The following CSMD1 variants were observed in gnomAD, a reference collection of about 807,000 sequenced individuals.
CSMD1 encodes the protein CUB and Sushi multiple domains 1.
In CSMD1, 213 loss-of-function variants were observed where a neutral mutation model predicts 417.5. The observed-to-expected ratio is 0.51, with a 90% CI of 0.46 to 0.57. The LOEUF is 0.57. CSMD1 is among the 20% of genes least tolerant of loss of function. The pLI is 0.00. For synonymous variants in CSMD1, 2,862 were observed against 1,736.8 expected, an observed-to-expected ratio of 1.65 and a Z score of -16.11; for missense variants, 6,923 against 4,529.7, an observed-to-expected ratio of 1.53 and a Z score of -15.17.
chr8:4,936,191 AAATT>A (rs1455315829), intron 1 of CSMD1, among the ~76,000 whole-genome samples: 1 of 152,234 alleles, frequency 6.6e-6, no homozygotes, highest in Non-Finnish European at 1.5e-5. Flanking sequence ...TGAGAGGCAG[AAATT>A]ATTATGCTTC....
At chr8:4,496,803 A>G (rs535563775) in intron 2 of CSMD1, among the ~76,000 whole-genome samples, 4 of 152,304 alleles carry the variant, frequency 2.6e-5, no homozygotes, top group East Asian at 3.9e-4. Context: ...ATCCTGAGAC[A>G]TGGACTTTTG....
intron 5 of CSMD1, among the ~76,000 whole-genome samples, chr8:3,786,381 G>C (rs1163028535): frequency 3.3e-5 from 5 of 152,096 alleles, no homozygotes; most frequent in African/African-American, 1.2e-4. Flanking sequence ...GGAGATACTA[G>C]AGTGAGAAGA....
intron 9 of CSMD1, among the ~76,000 whole-genome samples, chr8:3,582,151 G>C (rs987809637): frequency 3.3e-5 from 5 of 152,148 alleles, no homozygotes; most frequent in African/African-American, 4.8e-5. Context: ...AAATGAACTT[G>C]GAAAATGGTC....
At chr8:3,899,258 G>T (rs528744286) in intron 5 of CSMD1, among the ~76,000 whole-genome samples, 2 of 152,276 alleles carry the variant, frequency 1.3e-5, no homozygotes, top group Admixed American at 6.5e-5. Flanking sequence ...GGCAGCCAAG[G>T]GAAAGGAGCT....
chr8:4,027,721 T>G (rs1450074315), intron 4 of CSMD1, among the ~76,000 whole-genome samples: 1 of 152,122 alleles, frequency 6.6e-6, no homozygotes, highest in South Asian at 2.1e-4. Context: ...GGGGGCCCAT[T>G]GAACAAACTT....
intron 7 of CSMD1, among the ~76,000 whole-genome samples, chr8:3,671,915 G>A (rs898941631): frequency 9.9e-5 from 15 of 152,018 alleles, no homozygotes; most frequent in East Asian, 1.9e-4. Context: ...GTCCTGTGTC[G>A]TTAGCCTGCT....
intron 25 of CSMD1, among the ~76,000 whole-genome samples, chr8:3,306,981 TATGTGTTACTTTAG>T (rs1160635043): frequency 6.6e-6 from 1 of 152,160 alleles, no homozygotes; most frequent in Non-Finnish European, 1.5e-5. Flanking sequence ...TTTTCTTTTA[TATGTGTTACTTTAG>T]AGTACTTTCT....
At chr8:3,379,463 T>C (rs775640272) in intron 18 of CSMD1, among the ~76,000 whole-genome samples, 51 of 152,010 alleles carry the variant, frequency 3.4e-4, no homozygotes, top group Admixed American at 7.2e-4. Flanking sequence ...CAAAAGAACA[T>C]AGTTGGAGGC....
intron 1 of CSMD1, among the ~76,000 whole-genome samples, chr8:4,698,047 G>T (rs534573749): frequency 3.8e-4 from 58 of 151,790 alleles, no homozygotes; most frequent in African/African-American, 1.4e-3. Flanking sequence ...TAATTGGAAG[G>T]GTTCATCAAA....
intron 32 of CSMD1, among the ~76,000 whole-genome samples, chr8:3,200,283 G>C (rs1796925635): frequency 6.6e-6 from 1 of 151,968 alleles, no homozygotes; most frequent in African/African-American, 2.4e-5. Context: ...GGCCAGGTGA[G>C]GTGGCTCACA....
intron 3 of CSMD1, among the ~76,000 whole-genome samples, chr8:4,370,334 T>G (rs1042062529): frequency 7.2e-6 from 1 of 138,596 alleles, no homozygotes; most frequent in African/African-American, 2.5e-5. Context: ...GGGGTCCCTT[T>G]GTAAGTGACC....
At chr8:4,020,534 C>G (rs974199836) in intron 4 of CSMD1, among the ~76,000 whole-genome samples, 3 of 152,140 alleles carry the variant, frequency 2.0e-5, no homozygotes, top group African/African-American at 7.2e-5. Flanking sequence ...GGGTGAACAT[C>G]TCAGATAAGA....
chr8:4,469,852 C>G (rs1014303395), intron 2 of CSMD1, among the ~76,000 whole-genome samples: 6 of 150,924 alleles, frequency 4.0e-5, no homozygotes, highest in East Asian at 1.9e-4. Context: ...CCTACGTGAT[C>G]TGGCCTTTGG....
intron 1 of CSMD1, among the ~76,000 whole-genome samples, chr8:4,890,779 G>A (rs558103407): frequency 6.6e-6 from 1 of 151,844 alleles, no homozygotes; most frequent in East Asian, 2.0e-4. Context: ...AATCACTTTT[G>A]CACCGACCTA....
At chr8:3,971,059 A>T (rs1479413376) in intron 5 of CSMD1, among the ~76,000 whole-genome samples, 2 of 152,104 alleles carry the variant, frequency 1.3e-5, no homozygotes, top group African/African-American at 4.8e-5. Flanking sequence ...CCTACATGGA[A>T]TCTTAATACA....
chr8:4,508,363 G>C (rs569899749), intron 2 of CSMD1, among the ~76,000 whole-genome samples: 20 of 152,174 alleles, frequency 1.3e-4, no homozygotes, highest in African/African-American at 3.9e-4. Flanking sequence ...CTTCCAGTTA[G>C]TTCAAATATC....
At chr8:4,564,901 C>G (rs141982535) in intron 2 of CSMD1, among the ~76,000 whole-genome samples, 86 of 152,260 alleles carry the variant, frequency 5.6e-4, no homozygotes, top group African/African-American at 1.9e-3. Context: ...CTTAATTCAC[C>G]CATTTCTCTA....
At chr8:3,853,474 T>C (rs538614045) in intron 5 of CSMD1, among the ~76,000 whole-genome samples, 1 of 152,224 alleles carries the variant, frequency 6.6e-6, no homozygotes, top group Non-Finnish European at 1.5e-5. Context: ...GCAAGGATCT[T>C]TGTCTACGTT....
At position 3,493,742 on chromosome 8, in the gene CSMD1, G is replaced by A. The variant is rs9314495; in HGVS notation, c.1345-16C>T. 1,167,243 of 1,592,794 alleles carry A rather than the reference G, an allele frequency of 0.73. 428,838 individuals are homozygous for A. The highest frequency in any genetic ancestry group is 0.74 in the Non-Finnish European group (866,111 of 1,167,384). On this transcript the variant is annotated splice_polypyrimidine_tract_variant and intron_variant, in intron 10 of 69. Transcript: ENST00000635120. Reference sequence around the variant, plus strand: ...GCTTGATGACCTAAATACAAGGTACGAAACAGTGACTTAGAACAACAGGTA... The same window carrying A: ...GCTTGATGACCTAAATACAAGGTACAAAACAGTGACTTAGAACAACAGGTA...
Sources: allele counts gnomAD v4.1 joint callset (sites outside exome capture counted in the v4.1 genomes callset), GRCh38; gene constraint gnomAD v4.1.1; transcripts MANE v1.5; gene names NCBI Gene and HGNC (gene_info 2026-07-23, HGNC 2026-07-21).